TRPC5: variants seen among roughly 807,000 people sequenced by gnomAD.
The protein encoded by TRPC5 is short transient receptor potential channel 5.
In TRPC5, 9 loss-of-function variants were observed where a neutral mutation model predicts 56.5. The observed-to-expected ratio is 0.16, with a 90% CI of 0.10 to 0.28. The LOEUF (loss-of-function observed/expected upper bound fraction) is 0.28, where lower values mean the gene tolerates loss of function less well. Among genes scored for constraint, TRPC5 ranks in the 10% least tolerant of loss-of-function variants. The pLI is 1.00. For synonymous variants in TRPC5, 282 were observed against 278.5 expected (o/e 1.01, Z -0.13); for missense variants, 469 against 748.9 (o/e 0.63, Z 4.36).
intron 1 of TRPC5, among the ~76,000 whole-genome samples, chrX:112,071,700 GA>G (rs1930724173): frequency 1.8e-5 from 2 of 112,056 alleles, no homozygotes; most frequent in African/African-American, 6.5e-5. Flanking sequence ...TTTACATCAT[GA>G]AATGTATTTT....
chrX:112,001,624 G>T (rs1273900527), intron 1 of TRPC5, among the ~76,000 whole-genome samples: 1 of 111,365 alleles, frequency 9.0e-6, no homozygotes, highest in Non-Finnish European at 1.9e-5. Context: ...AGCCAGGCAT[G>T]TTGGTGCACG....
intron 1 of TRPC5, among the ~76,000 whole-genome samples, chrX:112,027,673 T>G (rs1336292740): frequency 9.0e-6 from 1 of 110,604 alleles, no homozygotes; most frequent in African/African-American, 3.3e-5. Flanking sequence ...ATTTTTTGTA[T>G]TTTTAGTAGA....
At chrX:111,915,831 C>T (rs953732686) in intron 2 of TRPC5, among the ~76,000 whole-genome samples, 17 of 111,156 alleles carry the variant, frequency 1.5e-4, no homozygotes, top group African/African-American at 5.6e-4. Flanking sequence ...TTGGGCCAGG[C>T]GTGGTGGCTC....
chrX:111,831,180 G>A (rs1922396530), intron 7 of TRPC5, among the ~76,000 whole-genome samples: 1 of 112,403 alleles, frequency 8.9e-6, no homozygotes, highest in African/African-American at 3.2e-5. Context: ...ATTGTCGGGA[G>A]GTCTGGGTAT....
intron 1 of TRPC5, among the ~76,000 whole-genome samples, chrX:112,017,982 A>C (rs1205213490): frequency 8.9e-6 from 1 of 112,579 alleles, no homozygotes; most frequent in African/African-American, 3.2e-5. Context: ...AGAATGCCTA[A>C]TATCTCATTG....
At chrX:112,067,527 G>T (rs1930613531) in intron 1 of TRPC5, among the ~76,000 whole-genome samples, 1 of 111,973 alleles carries the variant, frequency 8.9e-6, no homozygotes, top group Admixed American at 9.4e-5. Context: ...TCACTGAGAG[G>T]TCATCCTAAT....
At position 111,871,774 on chromosome X, in the gene TRPC5, G is replaced by T. The variant is rs778396631; in HGVS notation, c.901-17668C>A. On this transcript the variant is annotated intron_variant, in intron 3 of 10. Coordinates refer to ENST00000262839, the MANE Select transcript of TRPC5 (RefSeq NM_012471.3). Reference sequence around the variant, plus strand: ...GATTTGACACACTCTATGTGCTATGGTTTGGGCATGGTTTGTTTGTCCCCA... The same window carrying T: ...GATTTGACACACTCTATGTGCTATGTTTTGGGCATGGTTTGTTTGTCCCCA... Among the ~76,000 whole-genome samples the T allele has an allele frequency of 6.3e-5, 7 of 111,674 alleles. No individual in the cohort carries two copies. The East Asian group carries it at 2.0e-3, about 32-fold the overall frequency.
intron 1 of TRPC5, among the ~76,000 whole-genome samples, chrX:111,998,039 C>A (rs1928591403): frequency 9.0e-6 from 1 of 111,234 alleles, no homozygotes; most frequent in Non-Finnish European, 1.9e-5. Flanking sequence ...CTGTTGCTGG[C>A]TAGGAGCTGC....
chrX:111,971,698 A>T (rs1479582139), intron 1 of TRPC5, among the ~76,000 whole-genome samples: 4 of 111,599 alleles, frequency 3.6e-5, no homozygotes, highest in African/African-American at 1.3e-4. Context: ...CCCTTCCAAA[A>T]ATTAAGACTA....
intron 3 of TRPC5, among the ~76,000 whole-genome samples, chrX:111,878,780 T>C (rs929406534): frequency 2.7e-5 from 3 of 111,609 alleles, no homozygotes; most frequent in African/African-American, 6.5e-5. Context: ...GTTTATCCCT[T>C]TGTCCTTCAG....
At chrX:111,925,120 T>C (rs1040610052) in intron 2 of TRPC5, among the ~76,000 whole-genome samples, 10 of 112,632 alleles carry the variant, frequency 8.9e-5, no homozygotes, top group Admixed American at 1.9e-4. Flanking sequence ...GAATTACCTA[T>C]CCAGTTTAGT....
intron 1 of TRPC5, among the ~76,000 whole-genome samples, chrX:111,956,825 G>A (rs1300071025): frequency 2.7e-5 from 3 of 111,566 alleles, no homozygotes; most frequent in South Asian, 3.8e-4. Flanking sequence ...TGGTTGTTCG[G>A]TTAATCAGCA....
chrX:111,830,153 G>T (rs1922367307), intron 7 of TRPC5, among the ~76,000 whole-genome samples: 2 of 112,612 alleles, frequency 1.8e-5, no homozygotes, highest in African/African-American at 3.2e-5. Context: ...AAGGTTTAAT[G>T]ACCGCCCTAG....
chrX:111,968,982 A>G (rs865849464), intron 1 of TRPC5, among the ~76,000 whole-genome samples: 1 of 67,141 alleles, frequency 1.5e-5, no homozygotes. Context: ...TAATAAAATA[A>G]AATAAAATAA....
At chrX:111,892,268 A>G (rs1924842087) in intron 3 of TRPC5, among the ~76,000 whole-genome samples, 1 of 112,451 alleles carries the variant, frequency 8.9e-6, no homozygotes, top group Admixed American at 9.4e-5. Flanking sequence ...TCTTATCCAA[A>G]TGATTCACAA....
chrX:112,026,270 G>A (rs1484245267), intron 1 of TRPC5, among the ~76,000 whole-genome samples: 3 of 112,390 alleles, frequency 2.7e-5, no homozygotes, highest in Non-Finnish European at 5.6e-5. Flanking sequence ...GCACTTGAAA[G>A]AAGCAGAGAT....
At chrX:112,040,982 G>A (rs1213734539) in intron 1 of TRPC5, among the ~76,000 whole-genome samples, 1 of 112,267 alleles carries the variant, frequency 8.9e-6, no homozygotes, top group Non-Finnish European at 1.9e-5. Context: ...AAGTCTTCAG[G>A]GGAAAGTCTT....
chrX:111,835,654 G>C (rs905479971), intron 6 of TRPC5, among the ~76,000 whole-genome samples: 6 of 111,546 alleles, frequency 5.4e-5, no homozygotes, highest in Non-Finnish European at 1.1e-4. Flanking sequence ...CGGGCATGGT[G>C]GCGGGCGCCT....
At chrX:111,918,989 A>C (rs1363280194) in intron 2 of TRPC5, among the ~76,000 whole-genome samples, 1 of 110,576 alleles carries the variant, frequency 9.0e-6, no homozygotes, top group East Asian at 2.9e-4. Context: ...GCTGAAGAGG[A>C]CAGCTGTGAT....
Sources: allele counts gnomAD v4.1 joint callset (sites outside exome capture counted in the v4.1 genomes callset), GRCh38; gene constraint gnomAD v4.1.1; transcripts MANE v1.5; gene names NCBI Gene and HGNC (gene_info 2026-07-23, HGNC 2026-07-21).